The following ELMO1 variants were observed in gnomAD, a reference collection of about 807,000 sequenced individuals.
ELMO1 encodes the protein engulfment and cell motility 1.
ELMO1 carries 26 observed loss-of-function variants against 98.9 expected under a neutral mutation model. The observed-to-expected ratio is 0.26, with a 90% CI of 0.19 to 0.36. The LOEUF (loss-of-function observed/expected upper bound fraction) is 0.36. Ranked by LOEUF, ELMO1 falls within the 10% of genes least tolerant of loss-of-function variation. The probability of loss-of-function intolerance (pLI) is 1.00; values close to 1 mark genes in which losing one functional copy is unlikely to be tolerated. For missense variants in ELMO1, 627 were observed against 935.2 expected (o/e 0.67, Z 4.30); for synonymous variants, 346 against 346.0 (o/e 1.00, Z 0.00).
intron 8 of ELMO1, among the ~76,000 whole-genome samples, chr7:37,228,841 A>C (rs897546543): frequency 6.6e-6 from 1 of 152,062 alleles, no homozygotes; most frequent in Non-Finnish European, 1.5e-5. Context: ...AAATACAAAA[A>C]ATTAGCCAGG....
At chr7:37,163,342 T>TTTG (rs1554430071) in intron 13 of ELMO1, among the ~76,000 whole-genome samples, 5 of 27,840 alleles carry the variant, frequency 1.8e-4, no homozygotes, top group Non-Finnish European at 7.7e-4. Flanking sequence ...GTGTTCTTTT[T>TTTG]TTTTTTTTTT....
intron 15 of ELMO1, among the ~76,000 whole-genome samples, chr7:37,020,671 G>C (rs1195800384): frequency 6.6e-6 from 1 of 151,622 alleles, no homozygotes; most frequent in East Asian, 1.9e-4. Flanking sequence ...TGCTAAGAGA[G>C]ACTCTGAACC....
chr7:37,425,158 A>G (rs1804648600), intron 1 of ELMO1, among the ~76,000 whole-genome samples: 1 of 152,182 alleles, frequency 6.6e-6, no homozygotes. Context: ...TTTACTTCTC[A>G]TAGTTCTAGA....
At chr7:37,211,613 G>C in intron 12 of ELMO1, 96 bp from the exon 13 acceptor site, 1 of 1,468,112 alleles carries the variant, frequency 6.8e-7, no homozygotes, top group Non-Finnish European at 9.1e-7. Flanking sequence ...GGGTCTAAAT[G>C]AATCACTGCA....
At chr7:37,088,425 C>T (rs1422642809) in intron 15 of ELMO1, among the ~76,000 whole-genome samples, 1 of 152,204 alleles carries the variant, frequency 6.6e-6, no homozygotes, top group East Asian at 1.9e-4. Flanking sequence ...CTGCAAGATG[C>T]ATCTTGGTAT....
chr7:37,271,031 T>G (rs1184162592), intron 5 of ELMO1: 1 of 151,902 alleles, frequency 6.6e-6, no homozygotes, highest in Non-Finnish European at 1.5e-5. Context: ...CTCCACCTAT[T>G]AGGTTTCACG....
intron 15 of ELMO1, among the ~76,000 whole-genome samples, chr7:37,027,465 T>C (rs985995296): frequency 4.6e-5 from 7 of 152,146 alleles, no homozygotes; most frequent in Admixed American, 4.6e-4. Flanking sequence ...CATAACATTG[T>C]CAACTATGTG....
chr7:37,003,290 G>A (rs1792812620), intron 16 of ELMO1, among the ~76,000 whole-genome samples: 1 of 152,144 alleles, frequency 6.6e-6, no homozygotes, highest in Non-Finnish European at 1.5e-5. Context: ...CGGGAGGCTG[G>A]GGTGGGAGGA....
At chr7:37,314,992 G>T (rs900396587) in intron 3 of ELMO1, 70 bp from the exon 4 acceptor site, 2 of 1,418,432 alleles carry the variant, frequency 1.4e-6, no homozygotes, top group Admixed American at 1.8e-5. Flanking sequence ...ATTTTTTAGT[G>T]TTGGATGAAC....
At chr7:37,149,697 T>C (rs1788232318) in intron 13 of ELMO1, among the ~76,000 whole-genome samples, 3 of 151,992 alleles carry the variant, frequency 2.0e-5, no homozygotes, top group South Asian at 2.1e-4. Flanking sequence ...TGGCCCTTTA[T>C]GGGAAACATT....
chr7:36,860,384 T>C (rs532658021), intron 21 of ELMO1, among the ~76,000 whole-genome samples: 5 of 152,342 alleles, frequency 3.3e-5, no homozygotes, highest in African/African-American at 9.6e-5. Context: ...GAACTTTCTA[T>C]TGTATGGAAT....
chr7:36,922,368 A>AC lies in ELMO1; in HGVS notation c.1438-27352dup, dbSNP rs1491106320. 1.3e-3 allele frequency among the ~76,000 whole-genome samples: 194 copies of AC among 147,992 alleles called. 6 individuals are homozygous for AC. In the South Asian group the frequency reaches 0.026, roughly 20 times the overall value. ...CTTGCAAAAAAAAAAAAAAAAAAAA[A>AC]CCAACAGATAATTGAGTTCTTTTAT... On this transcript the variant is annotated intron_variant, in intron 16 of 21. Coordinates refer to ENST00000310758, the MANE Select transcript of ELMO1 (RefSeq NM_014800.11).
intron 13 of ELMO1, among the ~76,000 whole-genome samples, chr7:37,193,788 C>T (rs550063198): frequency 5.3e-5 from 8 of 152,300 alleles, no homozygotes; most frequent in Admixed American, 2.6e-4. Context: ...TCTCTTATCA[C>T]CATTTTCTCT....
chr7:37,160,336 A>G (rs1334600903), intron 13 of ELMO1, among the ~76,000 whole-genome samples: 3 of 152,246 alleles, frequency 2.0e-5, no homozygotes, highest in African/African-American at 7.2e-5. Flanking sequence ...TAATAGGAAC[A>G]TTTCAATCCT....
intron 5 of ELMO1, 95 bp from the exon 6 acceptor site, chr7:37,259,445 C>G: frequency 7.1e-7 from 1 of 1,416,254 alleles, no homozygotes; most frequent in Admixed American, 2.0e-5. Flanking sequence ...ATACAAAAGC[C>G]AAAAGCGCAA....
In ELMO1 at chr7:37,434,917, A is replaced by C. The variant is rs117781193; in HGVS notation, c.-74+13758T>G. Among the ~76,000 whole-genome samples, 314 of 152,294 alleles carry C rather than the reference A, an allele frequency of 2.1e-3. 1 individual carries two copies. The highest frequency in any genetic ancestry group is 6.8e-3 in the Middle Eastern group (2 of 294). On this transcript the variant is annotated intron_variant, in intron 1 of 21. Coordinates refer to ENST00000310758, the MANE Select transcript of ELMO1 (RefSeq NM_014800.11). The stretch of plus-strand genomic sequence containing the variant: ...CTTCAACAGCCCTTAGCAGAGTTTA[A>C]ACATCACACTTATTTGTGTGATCCT...
At position 37,027,843 on chromosome 7, in the gene ELMO1, CAA is replaced by C. The variant is rs35248975; in HGVS notation, c.1301-14410_1301-14409del. On this transcript the variant is annotated intron_variant, in intron 15 of 21. Transcript: ENST00000310758. ...ACACAGGCACTTAACTGAGATTTAC[CAA>C]AAAAAAAAAGGAATGCTAAAGGATA... Among the ~76,000 whole-genome samples, 378 of 141,448 alleles carry C rather than the reference CAA, an allele frequency of 2.7e-3. 1 individual carries two copies. Among genetic ancestry groups the C allele is most frequent in the African/African-American group, 9.1e-3 (360 of 39,444 alleles). The allele number at this position is 141,448 out of a possible 152,430, so 92.8% of individuals were successfully genotyped here.
intron 13 of ELMO1, among the ~76,000 whole-genome samples, chr7:37,203,142 T>C (rs1188733489): frequency 6.6e-6 from 1 of 152,202 alleles, no homozygotes; most frequent in Non-Finnish European, 1.5e-5. Flanking sequence ...TCAGATTTAG[T>C]GGCCTTTATT....
chr7:36,973,786 C>T lies in ELMO1; in HGVS notation c.1437+39513G>A, dbSNP rs539580756. 3.3e-5 allele frequency among the ~76,000 whole-genome samples: 5 copies of T among 152,318 alleles called. 1 individual carries two copies. The highest frequency in any genetic ancestry group is 7.2e-5 in the African/African-American group (3 of 41,576). ...GAACCGGGGCTGCGCGCGGCGCTTG[C>T]GAGCCAGCTGGAGTTCCAGATGGGC... is the stretch of plus-strand genomic sequence containing the variant. On this transcript the variant is annotated intron_variant, in intron 16 of 21. Coordinates refer to ENST00000310758, the MANE Select transcript of ELMO1 (RefSeq NM_014800.11).
Sources: gnomAD v4.1 joint callset for allele counts (sites outside exome capture counted in the v4.1 genomes callset) on GRCh38, gnomAD v4.1.1 for gene constraint, MANE v1.5 for transcripts, NCBI Gene and HGNC (gene_info 2026-07-23, HGNC 2026-07-21) for gene names.